The following AMPH variants were observed in gnomAD, a reference collection of about 807,000 sequenced individuals.
The protein encoded by AMPH is amphiphysin, also known as amphiphysin (Stiff-Mann syndrome with breast cancer 128kD autoantigen).
Under a neutral mutation model 99.1 loss-of-function variants are expected in AMPH, and 49 were observed. The observed-to-expected ratio is 0.49, with a 90% confidence interval of 0.39 to 0.63. The LOEUF (loss-of-function observed/expected upper bound fraction) is 0.63, where lower values mean the gene tolerates loss of function less well. Among genes scored for constraint, AMPH ranks in the 20% least tolerant of loss-of-function variants. The probability of loss-of-function intolerance (pLI) is 0.00; values close to 1 mark genes in which losing one functional copy is unlikely to be tolerated. For missense variants in AMPH, 759 were observed against 863.4 expected (o/e 0.88, Z 1.52); for synonymous variants, 314 against 317.3 (o/e 0.99, Z 0.11).
rs1030533509 is a variant in AMPH, at chr7:38,429,464, C to T, written c.1182+378G>A. The T allele has an allele frequency of 9.2e-6, 12 of 1,304,766 alleles. No individual in the cohort carries two copies. The Admixed American group carries it at 1.1e-4, about 12-fold the overall frequency. The allele number at this position is 1,304,766 out of a possible 1,614,324, so 80.8% of individuals were successfully genotyped here. A position where few individuals can be genotyped will look rare whatever the true frequency, so the allele number is the denominator to read the frequency against. ...CCCTGTCTGTACTAGCGTCAGGGCC[C>T]CAAGTAAATGCACCTATATCATTTT... On this transcript the variant is annotated intron_variant, in intron 14 of 20. Transcript: ENST00000356264.
chr7:38,445,558 A>C (rs1786744415), intron 11 of AMPH, among the ~76,000 whole-genome samples: 1 of 152,192 alleles, frequency 6.6e-6, no homozygotes, highest in African/African-American at 2.4e-5. Flanking sequence ...GAGGTCCCAA[A>C]ACTCAGTTAA....
intron 1 of AMPH, among the ~76,000 whole-genome samples, chr7:38,575,409 G>C (rs924750301): frequency 1.3e-5 from 2 of 152,160 alleles, no homozygotes; most frequent in Non-Finnish European, 2.9e-5. Flanking sequence ...TGGTTTGGCT[G>C]TGTCCCCACC....
intron 1 of AMPH, among the ~76,000 whole-genome samples, chr7:38,615,442 C>A (rs1793841656): frequency 6.6e-6 from 1 of 152,276 alleles, no homozygotes; most frequent in Non-Finnish European, 1.5e-5. Flanking sequence ...GCTCATAGAG[C>A]CCTCTTTCCC....
chr7:38,566,450 G>A (rs1259103638), intron 1 of AMPH, among the ~76,000 whole-genome samples: 1 of 152,054 alleles, frequency 6.6e-6, no homozygotes, highest in Non-Finnish European at 1.5e-5. Context: ...AACCGTAGAA[G>A]AAAACCTAGG....
At chr7:38,566,792 T>C (rs1323706843) in intron 1 of AMPH, among the ~76,000 whole-genome samples, 1 of 152,192 alleles carries the variant, frequency 6.6e-6, no homozygotes, top group Non-Finnish European at 1.5e-5. Context: ...GAAAAAATGC[T>C]CATCATCACT....
chr7:38,627,598 T>A (rs1397421181), intron 1 of AMPH, among the ~76,000 whole-genome samples: 1 of 134,206 alleles, frequency 7.5e-6, no homozygotes, highest in Non-Finnish European at 1.5e-5. Flanking sequence ...GAGCTTGCAG[T>A]GAGCCGAGAT....
chr7:38,590,964 C>T (rs748971888), intron 1 of AMPH, among the ~76,000 whole-genome samples: 14 of 152,158 alleles, frequency 9.2e-5, no homozygotes, highest in South Asian at 2.1e-4. Flanking sequence ...CAAAATGTTA[C>T]TAAATTAATA....
chr7:38,419,209 C>T (rs1785498737), intron 16 of AMPH, among the ~76,000 whole-genome samples: 1 of 152,068 alleles, frequency 6.6e-6, no homozygotes, highest in South Asian at 2.1e-4. Context: ...TTGTCCTGTA[C>T]ATTTATCTGA....
intron 1 of AMPH, among the ~76,000 whole-genome samples, chr7:38,571,053 TCATATATTGA>T (rs1791958047): frequency 1.2e-4 from 4 of 33,352 alleles, no homozygotes; most frequent in African/African-American, 4.3e-4. Flanking sequence ...ATATATATAT[TCATATATTGA>T]ATATATATAG....
At chr7:38,413,410 G>T (rs1322806609) in intron 17 of AMPH, among the ~76,000 whole-genome samples, 4 of 152,022 alleles carry the variant, frequency 2.6e-5, no homozygotes, top group Admixed American at 2.6e-4. Context: ...ATACATATTT[G>T]TACTTTAAGA....
At chr7:38,583,928 C>T (rs575884802) in intron 1 of AMPH, among the ~76,000 whole-genome samples, 64 of 152,316 alleles carry the variant, frequency 4.2e-4, no homozygotes, top group African/African-American at 1.5e-3. Flanking sequence ...CATCTCTGAA[C>T]TTACTGAGTT....
intron 1 of AMPH, among the ~76,000 whole-genome samples, chr7:38,610,031 G>C (rs1052980900): frequency 1.3e-5 from 2 of 151,448 alleles, no homozygotes; most frequent in Non-Finnish European, 2.9e-5. Flanking sequence ...GAGGTCGGGA[G>C]TTCGAGACCA....
At chr7:38,432,163 A>G (rs753557773) in intron 13 of AMPH, 26 bp downstream of exon 13, 6 of 1,606,344 alleles carry the variant, frequency 3.7e-6, no homozygotes, top group Non-Finnish European at 5.1e-6. Flanking sequence ...AAGATACATG[A>G]AAAAACAGAG....
At chr7:38,625,307 T>C (rs1235963290) in intron 1 of AMPH, among the ~76,000 whole-genome samples, 1 of 152,206 alleles carries the variant, frequency 6.6e-6, no homozygotes, top group African/African-American at 2.4e-5. Context: ...ATTTGATATA[T>C]TGAACCTCGA....
intron 3 of AMPH, among the ~76,000 whole-genome samples, chr7:38,496,618 T>C (rs1419842113): frequency 1.3e-5 from 2 of 152,146 alleles, no homozygotes; most frequent in African/African-American, 4.8e-5. Flanking sequence ...CAAGGGGGGA[T>C]GCGTTCTCTC....
intron 6 of AMPH, 127 bp downstream of exon 6, chr7:38,476,735 T>A: frequency 4.8e-6 from 3 of 624,158 alleles, no homozygotes; most frequent in Non-Finnish European, 8.4e-6. Context: ...AAAAGCACTA[T>A]GTTTCAGTTT....
chr7:38,589,982 G>A (rs138892614), intron 1 of AMPH, among the ~76,000 whole-genome samples: 2,417 of 152,242 alleles, frequency 0.016, 29 homozygotes, highest in Middle Eastern at 0.041. Context: ...AATTTCAAGG[G>A]ACACTATCAC....
At chr7:38,563,870 CT>C (rs143244416) in intron 1 of AMPH, among the ~76,000 whole-genome samples, 1,570 of 152,216 alleles carry the variant, frequency 0.01, 31 homozygotes, top group African/African-American at 0.036. Flanking sequence ...TATTTTTACA[CT>C]TCTGGAATCA....
chr7:38,494,769 G>A (rs35375449), intron 3 of AMPH, among the ~76,000 whole-genome samples: 12,837 of 152,244 alleles, frequency 0.084, 571 homozygotes, highest in South Asian at 0.12. Flanking sequence ...TCTCGGGAAA[G>A]ATCAACAAGT....
Sources: gnomAD v4.1 joint callset for allele counts (sites outside exome capture counted in the v4.1 genomes callset) on GRCh38, gnomAD v4.1.1 for gene constraint, MANE v1.5 for transcripts, NCBI Gene and HGNC (gene_info 2026-07-23, HGNC 2026-07-21) for gene names.